Variants in ACYP2 observed in about 807,000 individuals in gnomAD.
The protein encoded by ACYP2 is acylphosphatase 2, also known as acylphosphatase-2.
A neutral mutation model predicts 11.2 loss-of-function variants in ACYP2; 12 were observed. That is an observed-to-expected ratio of 1.08 (90% CI 0.69 to 1.74). The LOEUF (loss-of-function observed/expected upper bound fraction) is 1.74, where lower values mean the gene tolerates loss of function less well. Ranked by LOEUF, ACYP2 falls within the 40% of genes most tolerant of loss-of-function variation. The pLI is 0.00. For missense variants in ACYP2, 134 were observed against 101.9 expected (o/e 1.31, Z -1.35); for synonymous variants, 43 against 32.2 (o/e 1.33, Z -1.13).
chr2:54,098,407 A>T (rs773172576), intron 4 of ACYP2, among the ~76,000 whole-genome samples: 4 of 152,056 alleles, frequency 2.6e-5, no homozygotes, highest in Non-Finnish European at 5.9e-5. Flanking sequence ...CCTTTTTTCT[A>T]TAACTCATTT....
At chr2:54,028,035 G>T (rs1674389738) in intron 2 of ACYP2, among the ~76,000 whole-genome samples, 1 of 151,562 alleles carries the variant, frequency 6.6e-6, no homozygotes, top group South Asian at 2.1e-4. Context: ...TAGAGATAGG[G>T]TTTCACCATG....
At chr2:54,101,797 T>C (rs1036717683) in intron 4 of ACYP2, among the ~76,000 whole-genome samples, 1 of 152,194 alleles carries the variant, frequency 6.6e-6, no homozygotes, top group Non-Finnish European at 1.5e-5. Context: ...CAGTTTTAGC[T>C]TAACGGAAAA....
intron 6 of ACYP2, among the ~76,000 whole-genome samples, chr2:54,270,666 A>G (rs1688256907): frequency 6.6e-6 from 1 of 152,212 alleles, no homozygotes; most frequent in African/African-American, 2.4e-5. Context: ...TGTAATTACT[A>G]ACTTATTTTT....
intron 6 of ACYP2, among the ~76,000 whole-genome samples, chr2:54,198,841 G>C (rs1684628707): frequency 6.6e-6 from 1 of 152,118 alleles, no homozygotes; most frequent in Non-Finnish European, 1.5e-5. Flanking sequence ...TACCAGAACT[G>C]TGGAAATGTG....
chr2:54,216,265 AG>A (rs1685555492), intron 6 of ACYP2, among the ~76,000 whole-genome samples: 1 of 152,118 alleles, frequency 6.6e-6, no homozygotes, highest in African/African-American at 2.4e-5. Flanking sequence ...TTGATTATCG[AG>A]GGTTTATAAT....
chr2:54,014,216 A>C (rs1040833338), intron 2 of ACYP2, among the ~76,000 whole-genome samples: 67 of 150,802 alleles, frequency 4.4e-4, no homozygotes, highest in Middle Eastern at 3.5e-3. Flanking sequence ...CAGGTTGGGG[A>C]ATGCAAACCT....
intron 4 of ACYP2, among the ~76,000 whole-genome samples, chr2:54,116,349 A>G (rs984912963): frequency 2.6e-5 from 4 of 152,174 alleles, no homozygotes; most frequent in Admixed American, 6.5e-5. Flanking sequence ...GATTTATGCA[A>G]TGGAATATAA....
At chr2:54,035,009 C>CAAAAAAAAAAAAAAAGAAAAAAAAAAA in intron 2 of ACYP2, among the ~76,000 whole-genome samples, 1 of 44,748 alleles carries the variant, frequency 2.2e-5, no homozygotes, top group Non-Finnish European at 5.3e-5. Flanking sequence ...GACTACATCT[C>CAAAAAAAAAAAAAAAGAAAAAAAAAAA]AAAAAAAAAA....
rs1259521747 is a variant in ACYP2, at chr2:54,173,731, G to T, written c.404+34983G>T. On this transcript the variant is annotated intron_variant, in intron 6 of 6. Transcript: ENST00000607452. Reference sequence around the variant, plus strand: ...AATTTTTGTATAAGGTGTAAGGAAGGGATCCAGTTTCAGCTTTCTACATAT... The same window carrying T: ...AATTTTTGTATAAGGTGTAAGGAAGTGATCCAGTTTCAGCTTTCTACATAT... Among the ~76,000 whole-genome samples the T allele has an allele frequency of 2.0e-5, 3 of 152,232 alleles. No homozygotes were observed. In the East Asian group the frequency reaches 5.8e-4, roughly 29 times the overall value.
intron 6 of ACYP2, among the ~76,000 whole-genome samples, chr2:54,172,896 A>G (rs1422549197): frequency 6.6e-6 from 1 of 152,198 alleles, no homozygotes; most frequent in African/African-American, 2.4e-5. Flanking sequence ...TTATGGCTGC[A>G]TAGTATTCCA....
At chr2:54,124,703 GT>G (rs1680368443) in intron 4 of ACYP2, among the ~76,000 whole-genome samples, 1 of 151,846 alleles carries the variant, frequency 6.6e-6, no homozygotes, top group Non-Finnish European at 1.5e-5. Context: ...GCTTTTATTT[GT>G]TTTTTTATTT....
intron 6 of ACYP2, among the ~76,000 whole-genome samples, chr2:54,245,947 AC>A (rs1686930959): frequency 6.6e-6 from 1 of 152,014 alleles, no homozygotes; most frequent in African/African-American, 2.4e-5. Flanking sequence ...ATGTCCTGGA[AC>A]TTTTCTCCTA....
intron 2 of ACYP2, among the ~76,000 whole-genome samples, chr2:53,984,203 C>G (rs1558452303): frequency 6.6e-6 from 1 of 152,146 alleles, no homozygotes; most frequent in Non-Finnish European, 1.5e-5. Context: ...CAATTAGGAA[C>G]AAGAGCTAAT....
chr2:54,089,526 T>G (rs185089676), intron 4 of ACYP2, among the ~76,000 whole-genome samples: 44 of 151,022 alleles, frequency 2.9e-4, no homozygotes, highest in African/African-American at 9.0e-4. Context: ...GCAGGAAGAT[T>G]GAGGAGTTCG....
At chr2:54,304,656 C>A in intron 6 of ACYP2, 32 bp from the exon 4 acceptor site, 1 of 1,502,078 alleles carries the variant, frequency 6.7e-7, no homozygotes, top group Non-Finnish European at 9.2e-7. Context: ...ACTTTGTATG[C>A]TAATTTTATT....
intron 2 of ACYP2, among the ~76,000 whole-genome samples, chr2:53,987,805 T>C (rs1007637177): frequency 1.2e-4 from 19 of 152,202 alleles, no homozygotes; most frequent in Admixed American, 3.9e-4. Context: ...TCTGCTCATG[T>C]TTTTTGCATG....
At chr2:54,047,304 A>G (rs1055261429) in intron 2 of ACYP2, among the ~76,000 whole-genome samples, 1 of 152,260 alleles carries the variant, frequency 6.6e-6, no homozygotes, top group Non-Finnish European at 1.5e-5. Flanking sequence ...CCACACACTC[A>G]TGCATGGCAT....
chr2:54,214,945 C>G (rs900066127), intron 6 of ACYP2, among the ~76,000 whole-genome samples: 2 of 152,008 alleles, frequency 1.3e-5, no homozygotes, highest in African/African-American at 4.8e-5. Context: ...TTTTGTAATT[C>G]TTGTTGTAGA....
intron 6 of ACYP2, among the ~76,000 whole-genome samples, chr2:54,251,028 T>TA (rs1274054425): frequency 1.3e-5 from 2 of 152,182 alleles, no homozygotes; most frequent in African/African-American, 2.4e-5. Context: ...TTGAACAGCA[T>TA]AAAAAATATA....
Sources: allele counts gnomAD v4.1 joint callset (sites outside exome capture counted in the v4.1 genomes callset), GRCh38; gene constraint gnomAD v4.1.1; transcripts MANE v1.5; gene names NCBI Gene and HGNC (gene_info 2026-07-23, HGNC 2026-07-21).